Variants in RPS6KB1 observed in about 807,000 individuals in gnomAD.
RPS6KB1 encodes ribosomal protein S6 kinase beta-1.
Under a neutral mutation model 70.2 loss-of-function variants are expected in RPS6KB1, and 12 were observed. The observed-to-expected ratio is 0.17, with a 90% CI of 0.11 to 0.28. RPS6KB1 has a LOEUF of 0.28. Among genes scored for constraint, RPS6KB1 ranks in the 10% least tolerant of loss-of-function variants. RPS6KB1 has a pLI of 1.00. For missense variants in RPS6KB1, 270 were observed against 646.6 expected, an observed-to-expected ratio of 0.42 and a Z score of 6.32; for synonymous variants, 175 against 211.2, an observed-to-expected ratio of 0.83 and a Z score of 1.49.
chr17:59,920,244 C>G (rs930793287), intron 4 of RPS6KB1, among the ~76,000 whole-genome samples: 5 of 152,144 alleles, frequency 3.3e-5, no homozygotes. Context: ...TCTCGAACTC[C>G]TGACCGCAGG....
chr17:59,893,135 C>G lies in RPS6KB1; in HGVS notation c.-50C>G. 4 of 1,591,236 alleles carry G rather than the reference C, an allele frequency of 2.5e-6. No homozygotes were observed. The highest frequency in any genetic ancestry group is 3.4e-6 in the Non-Finnish European group (4 of 1,169,606). ...TAGGCGCAGACGCACTGAGCCTAAG[C>G]AGCCGGTGATGGCGGCAGCGGCTGT... On this transcript the variant is annotated 5_prime_UTR_variant, in exon 1 of 15. Transcript: ENST00000225577. The surrounding 1 kb of genome is among the most constrained non-coding windows in gnomAD (Gnocchi z 4.1).
chr17:59,921,088 T>G (rs1017812317), intron 4 of RPS6KB1, among the ~76,000 whole-genome samples: 2 of 152,214 alleles, frequency 1.3e-5, no homozygotes, highest in Non-Finnish European at 2.9e-5. Context: ...AATTAGATCT[T>G]GGGTGAAGTA....
At chr17:59,903,089 T>C (rs1203107801) in intron 1 of RPS6KB1, among the ~76,000 whole-genome samples, 1 of 151,846 alleles carries the variant, frequency 6.6e-6, no homozygotes, top group Non-Finnish European at 1.5e-5. Flanking sequence ...GGGTGGATCA[T>C]GAAGTCAAGA....
intron 7 of RPS6KB1, among the ~76,000 whole-genome samples, chr17:59,933,216 T>TA (rs2044043508): frequency 1.3e-5 from 2 of 151,516 alleles, no homozygotes; most frequent in Non-Finnish European, 1.5e-5. Context: ...TTTTTTTTTT[T>TA]AAGGAGAAAT....
intron 7 of RPS6KB1, among the ~76,000 whole-genome samples, chr17:59,933,526 A>C (rs1006873175): frequency 6.6e-6 from 1 of 152,198 alleles, no homozygotes; most frequent in African/African-American, 2.4e-5. Context: ...AGATTGTTGA[A>C]CCACTTGTTA....
intron 5 of RPS6KB1, among the ~76,000 whole-genome samples, chr17:59,929,163 C>T (rs2043794783): frequency 6.6e-6 from 1 of 150,624 alleles, no homozygotes; most frequent in African/African-American, 2.4e-5. Context: ...CGGAATCTCA[C>T]TCTGTTGCCC....
intron 12 of RPS6KB1, among the ~76,000 whole-genome samples, chr17:59,937,031 T>C: frequency 6.6e-6 from 1 of 152,086 alleles, no homozygotes; most frequent in Non-Finnish European, 1.5e-5. Context: ...AGCTAATTTT[T>C]TTGTATTTTT....
rs376751699 is a variant in RPS6KB1 at position 59,931,748 on chromosome 17, A to G, written c.688+26A>G. On this transcript the variant is annotated intron_variant, in intron 7 of 14. Coordinates refer to ENST00000225577, the MANE Select transcript of RPS6KB1 (RefSeq NM_003161.4). The stretch of plus-strand genomic sequence containing the variant: ...GTGGAGACATACCGTAAACAATTCT[A>G]TAGTAAATAATCATCTTAAAATCCT... The G allele has an allele frequency of 2.4e-4, 359 of 1,479,410 alleles. 7 individuals carry two copies. In the South Asian group the frequency reaches 3.7e-3, roughly 15 times the overall value. The allele number at this position is 1,479,410 out of a possible 1,614,324, so 91.6% of individuals were successfully genotyped here.
At chr17:59,897,920 A>G (rs918966224) in intron 1 of RPS6KB1, among the ~76,000 whole-genome samples, 1 of 151,378 alleles carries the variant, frequency 6.6e-6, no homozygotes, top group African/African-American at 2.4e-5. Flanking sequence ...AGCCAAGATC[A>G]TACCACTGCA....
intron 1 of RPS6KB1, among the ~76,000 whole-genome samples, chr17:59,903,289 A>T (rs2042066316): frequency 6.6e-6 from 1 of 150,714 alleles, no homozygotes; most frequent in South Asian, 2.1e-4. Context: ...TGGGCAACAG[A>T]GTGAGACTCT....
At chr17:59,924,126 C>T (rs945318997) in intron 4 of RPS6KB1, among the ~76,000 whole-genome samples, 29 of 152,064 alleles carry the variant, frequency 1.9e-4, no homozygotes, top group Admixed American at 5.9e-4. Context: ...GAGCTCAGTT[C>T]GAAACCAGCC....
chr17:59,926,365 T>C, intron 4 of RPS6KB1, 70 bp from the exon 5 acceptor site: 1 of 1,165,218 alleles, frequency 8.6e-7, no homozygotes, highest in Non-Finnish European at 1.2e-6. Flanking sequence ...AAATAGATTT[T>C]AGAATAAAAT....
chr17:59,922,821 G>T (rs573340464), intron 4 of RPS6KB1, among the ~76,000 whole-genome samples: 12 of 151,200 alleles, frequency 7.9e-5, no homozygotes, highest in African/African-American at 2.9e-4. Context: ...CAGGATTACA[G>T]ACGTGAGCCA....
chr17:59,900,838 G>A (rs1033186270), intron 1 of RPS6KB1, among the ~76,000 whole-genome samples: 1 of 151,912 alleles, frequency 6.6e-6, no homozygotes, highest in African/African-American at 2.4e-5. Flanking sequence ...ACAGAGTTGT[G>A]CAGCCATCAC....
chr17:59,914,281 A>C (rs1415783006), intron 3 of RPS6KB1, among the ~76,000 whole-genome samples: 1 of 152,174 alleles, frequency 6.6e-6, no homozygotes, highest in Non-Finnish European at 1.5e-5. Context: ...TATGTGAAGC[A>C]AGGGCAGTGG....
At chr17:59,901,569 C>T (rs1299731406) in intron 1 of RPS6KB1, among the ~76,000 whole-genome samples, 2 of 141,752 alleles carry the variant, frequency 1.4e-5, no homozygotes, top group Non-Finnish European at 3.0e-5. Flanking sequence ...GCAGATGGAG[C>T]GCATGAGCCT....
At chr17:59,894,231 G>T (rs1402627602) in intron 1 of RPS6KB1, among the ~76,000 whole-genome samples, 1 of 152,070 alleles carries the variant, frequency 6.6e-6, no homozygotes, top group Non-Finnish European at 1.5e-5. Flanking sequence ...GTTTCACCCT[G>T]CTGGCTTAGT....
Position 59,940,822 on chromosome 17 carries a change from T to G in RPS6KB1, c.1120-14T>G. ...ACTATTTATTATTTTCTAAATTATT[T>G]TGTTTGTATAAAGCAATCTGAAGAG... On this transcript the variant is annotated splice_polypyrimidine_tract_variant and intron_variant, in intron 12 of 14. Coordinates refer to ENST00000225577, the MANE Select transcript of RPS6KB1 (RefSeq NM_003161.4). 1.4e-6 allele frequency: 2 copies of G among 1,445,668 alleles called. No homozygotes were observed. The highest frequency in any genetic ancestry group is 1.9e-6 in the Non-Finnish European group (2 of 1,043,310). 89.6% of individuals were successfully genotyped at this position (1,445,668 alleles called of 1,614,324 possible). A position where few individuals can be genotyped will look rare whatever the true frequency, so the allele number is the denominator to read the frequency against.
intron 1 of RPS6KB1, among the ~76,000 whole-genome samples, chr17:59,896,777 A>G (rs893551622): frequency 6.6e-6 from 1 of 152,202 alleles, no homozygotes; most frequent in African/African-American, 2.4e-5. Flanking sequence ...TGTCTTAGCA[A>G]CACTTTTTGG....
Sources: gnomAD v4.1 joint callset for allele counts (sites outside exome capture counted in the v4.1 genomes callset) on GRCh38, gnomAD v4.1.1 for gene constraint, Gnocchi (gnomAD v3.1) non-coding constraint, MANE v1.5 for transcripts, NCBI Gene and HGNC (gene_info 2026-07-23, HGNC 2026-07-21) for gene names.